NWD1: variants seen among roughly 807,000 people sequenced by gnomAD.
NWD1 encodes the protein NACHT domain- and WD repeat-containing protein 1.
In NWD1, 129 loss-of-function variants were observed where a neutral mutation model predicts 135.1. The observed-to-expected ratio is 0.96, with a 90% CI of 0.83 to 1.11. The LOEUF (loss-of-function observed/expected upper bound fraction) is 1.11. NWD1 is among the 50% of genes least tolerant of loss of function. The pLI is 0.00. For synonymous variants in NWD1, 773 were observed against 786.0 expected (o/e 0.98, Z 0.28); for missense variants, 1,740 against 1,851.3 (o/e 0.94, Z 1.10).
At chr19:16,758,845 T>TA (rs1968892662) in intron 6 of NWD1, among the ~76,000 whole-genome samples, 1 of 151,714 alleles carries the variant, frequency 6.6e-6, no homozygotes, top group South Asian at 2.1e-4. Flanking sequence ...CCGTCTCTAC[T>TA]AAAAATGCAA....
intron 6 of NWD1, among the ~76,000 whole-genome samples, chr19:16,752,673 C>T (rs977299263): frequency 6.6e-6 from 1 of 152,056 alleles, no homozygotes; most frequent in African/African-American, 2.4e-5. Flanking sequence ...GGACATATCC[C>T]AGATTTCCCG....
chr19:16,743,709 G>A (rs1306242624), intron 4 of NWD1, among the ~76,000 whole-genome samples: 2 of 151,922 alleles, frequency 1.3e-5, no homozygotes, highest in African/African-American at 2.4e-5. Context: ...TTGAGACAGA[G>A]TCTTACTCTG....
chr19:16,778,182 A>C (rs1969723363), intron 11 of NWD1, among the ~76,000 whole-genome samples: 1 of 152,168 alleles, frequency 6.6e-6, no homozygotes, highest in Non-Finnish European at 1.5e-5. Context: ...AGAGGCACAC[A>C]GAAGGAAAAG....
intron 11 of NWD1, among the ~76,000 whole-genome samples, chr19:16,778,897 A>ATT (rs954312513): frequency 3.2e-4 from 48 of 152,152 alleles, no homozygotes; most frequent in African/African-American, 1.0e-3. Flanking sequence ...CAGCCATGGC[A>ATT]TTGCTGACTT....
At chr19:16,775,712 A>G (rs1969575427) in intron 11 of NWD1, among the ~76,000 whole-genome samples, 1 of 152,152 alleles carries the variant, frequency 6.6e-6, no homozygotes, top group Admixed American at 6.6e-5. Flanking sequence ...CTTGTCGCCC[A>G]GGCTGGAGTG....
intron 14 of NWD1, 125 bp from the exon 15 acceptor site, chr19:16,794,338 C>G (rs1970347628): frequency 1.7e-6 from 1 of 576,960 alleles, no homozygotes; most frequent in African/African-American, 1.9e-5. Flanking sequence ...CGCACTCCTG[C>G]CTGGGAGACA....
At chr19:16,732,536 G>T (rs1359679011) in intron 3 of NWD1, among the ~76,000 whole-genome samples, 1 of 150,498 alleles carries the variant, frequency 6.6e-6, no homozygotes, top group Non-Finnish European at 1.5e-5. Flanking sequence ...TACCTGTTTG[G>T]CACAGTCCCA....
chr19:16,782,622 CT>C (rs1422436946), intron 12 of NWD1, among the ~76,000 whole-genome samples: 1 of 152,144 alleles, frequency 6.6e-6, no homozygotes, highest in Non-Finnish European at 1.5e-5. Context: ...ATGACACAAT[CT>C]TTTGAAAAAT....
chr19:16,758,302 G>A (rs1401101443), intron 6 of NWD1, among the ~76,000 whole-genome samples: 1 of 151,928 alleles, frequency 6.6e-6, no homozygotes, highest in African/African-American at 2.4e-5. Flanking sequence ...TTAGAGACAG[G>A]GCCTCACTCT....
Position 16,807,850 on chromosome 19 carries a change from C to G in NWD1, c.4001C>G (p.Pro1334Arg), listed in dbSNP as rs755756403. 1.7e-5 allele frequency: 27 copies of G among 1,614,056 alleles called. No homozygotes were observed. The highest frequency in any genetic ancestry group is 2.0e-5 in the Non-Finnish European group (24 of 1,180,050). ...VLDITSGDPCPVIDGPRYTFY... is the reference protein window; with the variant it reads ...VLDITSGDPCRVIDGPRYTFY... ...GACATCACCTCCGGGGACCCCTGCC[C>G]GGTCATCGATGGGCCAAGATACACC... Residue 1334 changes from proline to arginine, a missense_variant, in exon 18 of 19, where the codon CCG becomes CGG. Pro to Arg is a moderately radical substitution (Grantham distance 103). Coordinates refer to ENST00000524140, the MANE Select transcript of NWD1 (RefSeq NM_001007525.5).
In NWD1 at chr19:16,751,779, C is replaced by T. The variant is rs78147868; in HGVS notation, c.1769+1368C>T. Among the ~76,000 whole-genome samples the T allele has an allele frequency of 1.8e-3, 237 of 129,704 alleles. 6 individuals carry two copies. In the East Asian group the frequency reaches 0.045, roughly 25 times the overall value. The allele number at this position is 129,704 out of a possible 152,430, so 85.1% of individuals were successfully genotyped here. ...TAGTGCCACTGTGCTCCAGCCTGGG[C>T]GACAAAGGAAGACTCCATCTCAAAA... On this transcript the variant is annotated intron_variant, in intron 6 of 18. Transcript: ENST00000524140.
intron 2 of NWD1, among the ~76,000 whole-genome samples, chr19:16,725,639 G>A (rs1967299223): frequency 6.6e-6 from 1 of 151,914 alleles, no homozygotes. Flanking sequence ...TTCAACCTCC[G>A]CCTCCCAGGT....
rs1488179580 is a variant in NWD1, at chr19:16,815,114, G to A, written c.*75G>A. On this transcript the variant is annotated 3_prime_UTR_variant, in exon 19 of 19. Transcript: ENST00000524140. ...TGGCTTCATTGCCCCCACCAGGCAT[G>A]GTTATCTGATCCGAGAGAATTTCCA... 3.5e-6 allele frequency: 5 copies of A among 1,424,198 alleles called. No individual in the cohort carries two copies. The Admixed American group carries it at 6.7e-5, about 19-fold the overall frequency. 88.2% of individuals were successfully genotyped at this position (1,424,198 alleles called of 1,614,324 possible).
At chr19:16,802,396 G>C (rs1970628597) in intron 17 of NWD1, among the ~76,000 whole-genome samples, 1 of 150,468 alleles carries the variant, frequency 6.6e-6, no homozygotes, top group South Asian at 2.1e-4. Context: ...GGAATTTGAG[G>C]CTGCAGTGAA....
rs997354383 is a variant in NWD1 at position 16,720,176 on chromosome 19, C to T, written c.-222C>T. ...AGGAAGCTGTTGTGATGATAATTTACTGAGCACCTACTATGTGCCAGGCAC... is the reference window on the plus strand; with the variant it reads ...AGGAAGCTGTTGTGATGATAATTTATTGAGCACCTACTATGTGCCAGGCAC... On this transcript the variant is annotated 5_prime_UTR_variant, in exon 1 of 19. Transcript: ENST00000524140. 1 of 152,238 alleles carries T rather than the reference C, an allele frequency of 6.6e-6. No homozygotes were observed. Among genetic ancestry groups the T allele is most frequent in the Non-Finnish European group, 1.5e-5 (1 of 68,054 alleles). The allele number at this position is 152,238 out of a possible 1,614,324, so 9.4% of individuals were successfully genotyped here. A position where few individuals can be genotyped will look rare whatever the true frequency, so the allele number is the denominator to read the frequency against.
At chr19:16,738,853 A>G (rs1373713545) in intron 4 of NWD1, among the ~76,000 whole-genome samples, 3 of 144,082 alleles carry the variant, frequency 2.1e-5, no homozygotes, top group African/African-American at 7.6e-5. Flanking sequence ...TATATATAAT[A>G]CATTATCTAT....
chr19:16,769,789 T>C (rs555739993), intron 10 of NWD1, among the ~76,000 whole-genome samples: 1 of 152,324 alleles, frequency 6.6e-6, no homozygotes, highest in Admixed American at 6.5e-5. Flanking sequence ...GATCCTTGCC[T>C]CTGAATTTTC....
chr19:16,730,687 A>G (rs2122693634), intron 2 of NWD1, among the ~76,000 whole-genome samples: 1 of 152,192 alleles, frequency 6.6e-6, no homozygotes, highest in Middle Eastern at 3.4e-3. Flanking sequence ...ACTGCCCTCC[A>G]GCCTGGGTGA....
chr19:16,815,514 T>G lies in NWD1; in HGVS notation c.*475T>G. 1.8e-6 allele frequency: 1 copy of G among 556,108 alleles called. No individual in the cohort carries two copies. Among genetic ancestry groups the G allele is most frequent in the Non-Finnish European group, 3.2e-6 (1 of 315,282 alleles). The allele number at this position is 556,108 out of a possible 1,614,324, so 34.4% of individuals were successfully genotyped here. ...TCTTTCCTCTTTTTCATTTTCATTC[T>G]CAGACTTGCCACCCCCAGGTTAGCA... On this transcript the variant is annotated 3_prime_UTR_variant, in exon 19 of 19. Transcript: ENST00000524140.
Sources: gnomAD v4.1 joint callset for allele counts (sites outside exome capture counted in the v4.1 genomes callset) on GRCh38, gnomAD v4.1.1 for gene constraint, MANE v1.5 for transcripts, NCBI Gene and HGNC (gene_info 2026-07-23, HGNC 2026-07-21) for gene names.